The following TRPC1 variants were observed in gnomAD, a reference collection of about 807,000 sequenced individuals.
TRPC1 encodes transient receptor potential cation channel subfamily C member 1.
TRPC1 carries 42 observed loss-of-function variants against 88.2 expected under a neutral mutation model. The ratio of observed to expected loss-of-function variants is 0.48; its 90% CI spans 0.37 to 0.62. The LOEUF (loss-of-function observed/expected upper bound fraction) is 0.62, where lower values mean the gene tolerates loss of function less well. Among genes scored for constraint, TRPC1 ranks in the 20% least tolerant of loss-of-function variants. The pLI, the probability that TRPC1 is intolerant of heterozygous loss-of-function variation, is 0.00. For missense variants in TRPC1, 699 were observed against 957.3 expected (o/e 0.73, Z 3.56); for synonymous variants, 288 against 331.8 (o/e 0.87, Z 1.43).
At chr3:142,787,585 A>G (rs998816714) in intron 7 of TRPC1, among the ~76,000 whole-genome samples, 2 of 152,246 alleles carry the variant, frequency 1.3e-5, no homozygotes, top group African/African-American at 4.8e-5. Flanking sequence ...AATGGCTATT[A>G]TAGAAATGTA....
At chr3:142,801,024 GC>G (rs2108161302) in intron 9 of TRPC1, among the ~76,000 whole-genome samples, 1 of 151,634 alleles carries the variant, frequency 6.6e-6, no homozygotes, top group South Asian at 2.1e-4. Flanking sequence ...AACTTCCTAT[GC>G]ATATTAAAGC....
At chr3:142,749,284 A>G (rs1269845308) in intron 4 of TRPC1, among the ~76,000 whole-genome samples, 1 of 152,228 alleles carries the variant, frequency 6.6e-6, no homozygotes, top group Non-Finnish European at 1.5e-5. Flanking sequence ...AGTAGAGCAC[A>G]TATAATTTTA....
intron 4 of TRPC1, among the ~76,000 whole-genome samples, chr3:142,773,181 C>T (rs1443226306): frequency 6.6e-6 from 1 of 152,114 alleles, no homozygotes; most frequent in Non-Finnish European, 1.5e-5. Flanking sequence ...TTTCTAATTT[C>T]AGTCATTGTA....
chr3:142,730,606 G>GTT lies in TRPC1; in HGVS notation c.173-5760_173-5759dup, dbSNP rs34841179. ...TTTTCACTGTAAAAAGTCTGCATGG[G>GTT]TTTTTTTTTTTTTTCCTTTTTAAAA... is the stretch of plus-strand genomic sequence containing the variant. On this transcript the variant is annotated intron_variant, in intron 1 of 12. Coordinates refer to ENST00000476941, the MANE Select transcript of TRPC1 (RefSeq NM_001251845.2). Among the ~76,000 whole-genome samples, 1,186 of 142,312 alleles carry GTT rather than the reference G, an allele frequency of 8.3e-3. 19 individuals are homozygous for GTT. The highest frequency in any genetic ancestry group is 0.026 in the African/African-American group (1,016 of 39,082). 93.4% of individuals were successfully genotyped at this position (142,312 alleles called of 152,430 possible).
intron 5 of TRPC1, 33 bp from the exon 6 acceptor site, chr3:142,780,801 A>G (rs1935935243): frequency 1.3e-6 from 2 of 1,550,058 alleles, no homozygotes; most frequent in South Asian, 2.5e-5. Flanking sequence ...GATGGAAACG[A>G]CGTTTCTGAT....
At chr3:142,773,414 A>C (rs1002717031) in intron 4 of TRPC1, among the ~76,000 whole-genome samples, 4 of 152,060 alleles carry the variant, frequency 2.6e-5, no homozygotes, top group African/African-American at 9.7e-5. Context: ...ATATGCTCAC[A>C]GTACTAAAAG....
At chr3:142,755,549 T>G (rs1934932567) in intron 4 of TRPC1, among the ~76,000 whole-genome samples, 1 of 152,230 alleles carries the variant, frequency 6.6e-6, no homozygotes, top group Non-Finnish European at 1.5e-5. Context: ...ATTCCATTCA[T>G]GTTTCCTTTC....
chr3:142,800,033 T>G (rs1286306339), intron 9 of TRPC1, among the ~76,000 whole-genome samples: 1 of 152,134 alleles, frequency 6.6e-6, no homozygotes, highest in Non-Finnish European at 1.5e-5. Flanking sequence ...AAGGTGATCT[T>G]TTCTGTAGTT....
At chr3:142,745,835 G>A (rs1342759409) in intron 3 of TRPC1, among the ~76,000 whole-genome samples, 3 of 148,542 alleles carry the variant, frequency 2.0e-5, no homozygotes, top group African/African-American at 7.4e-5. Context: ...TCAGGTCACT[G>A]CAACCTCCAC....
rs185200657 is a variant in TRPC1 at position 142,730,687 on chromosome 3, C to T, written c.173-5692C>T. ...CAGTTAACATTTTTATCAGTATTGT[C>T]ATTTATATTTCCAGATCCAGCAACT... is the stretch of plus-strand genomic sequence containing the variant. On this transcript the variant is annotated intron_variant, in intron 1 of 12. Transcript: ENST00000476941. Among the ~76,000 whole-genome samples the T allele has an allele frequency of 4.4e-3, 659 of 148,532 alleles. 5 individuals carry two copies. The highest frequency in any genetic ancestry group is 5.7e-3 in the Non-Finnish European group (387 of 67,368).
chr3:142,745,075 C>G (rs1934492705), intron 3 of TRPC1, among the ~76,000 whole-genome samples: 1 of 152,158 alleles, frequency 6.6e-6, no homozygotes, highest in Admixed American at 6.5e-5. Flanking sequence ...GTGTGACTTT[C>G]TCCAGAGGAT....
intron 4 of TRPC1, among the ~76,000 whole-genome samples, chr3:142,757,356 CAT>C (rs1491087841): frequency 1.3e-4 from 19 of 151,578 alleles, no homozygotes; most frequent in African/African-American, 4.4e-4. Context: ...CACATGCACA[CAT>C]GTTTATTGCG....
intron 1 of TRPC1, among the ~76,000 whole-genome samples, chr3:142,729,414 C>T (rs569751977): frequency 5.3e-5 from 8 of 151,994 alleles, no homozygotes; most frequent in South Asian, 2.1e-4. Context: ...TGTGCTCTAG[C>T]GAGGAGAAGT....
At chr3:142,773,810 C>T (rs1257599978) in intron 4 of TRPC1, among the ~76,000 whole-genome samples, 1 of 149,278 alleles carries the variant, frequency 6.7e-6, no homozygotes, top group East Asian at 1.9e-4. Context: ...CCCCCCTCTC[C>T]CCCATAGTGG....
chr3:142,805,954 C>T (rs78501979), intron 12 of TRPC1, 54 bp from the exon 13 acceptor site: 34,806 of 1,498,848 alleles, frequency 0.023, 603 homozygotes, highest in African/African-American at 0.066. Flanking sequence ...TTGAACTCTA[C>T]CTCATTTAAA....
At chr3:142,753,685 A>G (rs1934857904) in intron 4 of TRPC1, among the ~76,000 whole-genome samples, 1 of 149,486 alleles carries the variant, frequency 6.7e-6, no homozygotes, top group Non-Finnish European at 1.5e-5. Flanking sequence ...GAATCGCTTG[A>G]ACCTGGGAGG....
At chr3:142,730,555 A>G (rs1158600829) in intron 1 of TRPC1, among the ~76,000 whole-genome samples, 3 of 149,794 alleles carry the variant, frequency 2.0e-5, no homozygotes, top group Non-Finnish European at 4.4e-5. Context: ...AGTTTTGCAC[A>G]TTTGATAAAG....
chr3:142,741,978 C>G (rs1276287563), intron 2 of TRPC1, among the ~76,000 whole-genome samples: 1 of 152,080 alleles, frequency 6.6e-6, no homozygotes, highest in Non-Finnish European at 1.5e-5. Context: ...GCCCAGCCAA[C>G]AGGGTGAAAC....
chr3:142,791,211 A>C, intron 8 of TRPC1, 53 bp downstream of exon 8: 1 of 1,505,712 alleles, frequency 6.6e-7, no homozygotes, highest in Non-Finnish European at 9.0e-7. Context: ...TTTTGGAAAT[A>C]GCTAAGATAT....
Sources: allele counts gnomAD v4.1 joint callset (sites outside exome capture counted in the v4.1 genomes callset), GRCh38; gene constraint gnomAD v4.1.1; transcripts MANE v1.5; gene names NCBI Gene and HGNC (gene_info 2026-07-23, HGNC 2026-07-21).